NEO1: variants seen among roughly 807,000 people sequenced by gnomAD.
NEO1 encodes the protein neogenin.
NEO1 carries 63 observed loss-of-function variants against 159.7 expected under a neutral mutation model. That is an observed-to-expected ratio of 0.39 (90% CI 0.32 to 0.49). The LOEUF (loss-of-function observed/expected upper bound fraction) is 0.49. NEO1 is among the 20% of genes least tolerant of loss of function. The pLI is 0.85. For synonymous variants in NEO1, 633 were observed against 662.0 expected (o/e 0.96, Z 0.67); for missense variants, 1,615 against 1,831.0 (o/e 0.88, Z 2.15).
chr15:73,182,445 C>G (rs982834105), intron 7 of NEO1, among the ~76,000 whole-genome samples: 7 of 152,152 alleles, frequency 4.6e-5, no homozygotes, highest in Non-Finnish European at 1.0e-4. Flanking sequence ...GTCACAGGTT[C>G]TCTTGAGCCC....
At position 73,244,481 on chromosome 15, in the gene NEO1, T is replaced by C. The variant is rs779852187; in HGVS notation, c.1589T>C (p.Val530Ala). 6 of 1,613,424 alleles carry C rather than the reference T, an allele frequency of 3.7e-6. No individual in the cohort carries two copies. The highest frequency in any genetic ancestry group is 4.5e-5 in the East Asian group (2 of 44,840). ...GGAGAGAGTTCAGCTCCACTGCGAG[T>C]AGAAACACAACCTGAGGGTAAGTCT... is the stretch of plus-strand genomic sequence containing the variant. Reference protein sequence around the residue: ...GSGESSAPLRVETQPEVQLPG... With the variant: ...GSGESSAPLRAETQPEVQLPG... The change falls in exon 9 of 29, where the codon GTA becomes GCA. Residue 530 changes from valine to alanine, a missense_variant. Val to Ala is a moderately conservative substitution (Grantham distance 64). This residue lies in a region of NEO1 where 1,018 missense variants were observed against 1,115.4 expected (regional missense o/e 0.91). Coordinates refer to ENST00000261908, the MANE Select transcript of NEO1 (RefSeq NM_002499.4).
At chr15:73,075,906 C>G (rs1191046431) in intron 1 of NEO1, among the ~76,000 whole-genome samples, 1 of 152,132 alleles carries the variant, frequency 6.6e-6, no homozygotes, top group Non-Finnish European at 1.5e-5. Flanking sequence ...TGAGCTGTGA[C>G]TAGGATTATG....
At chr15:73,072,021 G>GC (rs2068558965) in intron 1 of NEO1, among the ~76,000 whole-genome samples, 1 of 152,074 alleles carries the variant, frequency 6.6e-6, no homozygotes, top group South Asian at 2.1e-4. Flanking sequence ...GCCGATCTTG[G>GC]CCCACTGCAA....
chr15:73,259,152 G>GT, intron 14 of NEO1: 2 of 268,710 alleles, frequency 7.4e-6, no homozygotes, highest in South Asian at 1.4e-4. Context: ...TTAAGTAGAT[G>GT]GATGATCTAA....
chr15:73,115,579 C>T (rs1277244482), intron 1 of NEO1, among the ~76,000 whole-genome samples: 2 of 148,032 alleles, frequency 1.4e-5, no homozygotes, highest in East Asian at 1.9e-4. Flanking sequence ...TAGATATATT[C>T]GAAAAACAGT....
chr15:73,158,467 C>T (rs1040392687), intron 5 of NEO1, among the ~76,000 whole-genome samples: 3 of 152,004 alleles, frequency 2.0e-5, no homozygotes, highest in South Asian at 2.1e-4. Flanking sequence ...GTGTGGTCAT[C>T]GCTCACTGCA....
intron 22 of NEO1, among the ~76,000 whole-genome samples, chr15:73,281,353 C>T (rs1017136636): frequency 1.3e-5 from 2 of 151,650 alleles, no homozygotes; most frequent in Admixed American, 6.6e-5. Flanking sequence ...CTCCCAGGTT[C>T]GCGCCATTCT....
intron 1 of NEO1, among the ~76,000 whole-genome samples, chr15:73,095,319 A>T (rs1199837872): frequency 6.6e-6 from 1 of 152,210 alleles, no homozygotes; most frequent in Non-Finnish European, 1.5e-5. Context: ...TTAAAAAAGA[A>T]TTAAAAAAAT....
intron 7 of NEO1, among the ~76,000 whole-genome samples, chr15:73,215,358 A>G (rs1042399377): frequency 1.3e-5 from 2 of 151,980 alleles, no homozygotes; most frequent in African/African-American, 2.4e-5. Flanking sequence ...TCGTGTTCCT[A>G]TTTTCAGAGG....
chr15:73,271,906 C>CA (rs57979197), intron 18 of NEO1, among the ~76,000 whole-genome samples: 3,233 of 92,438 alleles, frequency 0.035, 79 homozygotes, highest in African/African-American at 0.068. Context: ...GACTCCATCT[C>CA]AAAAAAAAAA....
At chr15:73,241,263 T>A (rs1369416238) in intron 8 of NEO1, among the ~76,000 whole-genome samples, 1 of 152,238 alleles carries the variant, frequency 6.6e-6, no homozygotes, top group Non-Finnish European at 1.5e-5. Context: ...CATAGCACTT[T>A]AAAGTTGGAT....
intron 7 of NEO1, among the ~76,000 whole-genome samples, chr15:73,215,730 G>A (rs1363213173): frequency 2.0e-5 from 3 of 152,066 alleles, no homozygotes; most frequent in Non-Finnish European, 4.4e-5. Flanking sequence ...CAAGGATATT[G>A]GTCTGTAGTT....
chr15:73,112,237 A>T (rs1235915816), intron 1 of NEO1, among the ~76,000 whole-genome samples: 2 of 152,100 alleles, frequency 1.3e-5, no homozygotes, highest in Non-Finnish European at 2.9e-5. Flanking sequence ...TAAGGCAAGG[A>T]TCAGCAAACT....
intron 9 of NEO1, among the ~76,000 whole-genome samples, 161 bp downstream of exon 9, chr15:73,244,659 C>T (rs2039661850): frequency 6.6e-6 from 1 of 152,082 alleles, no homozygotes. Flanking sequence ...CATCAAAAAA[C>T]AGCAAGTAGG....
chr15:73,256,908 G>T (rs923068995), intron 13 of NEO1, among the ~76,000 whole-genome samples: 2 of 151,956 alleles, frequency 1.3e-5, no homozygotes, highest in African/African-American at 4.8e-5. Flanking sequence ...GAGCAACATG[G>T]TCAAACTGTG....
At chr15:73,108,213 C>A (rs1192984815) in intron 1 of NEO1, among the ~76,000 whole-genome samples, 1 of 152,076 alleles carries the variant, frequency 6.6e-6, no homozygotes, top group African/African-American at 2.4e-5. Flanking sequence ...TGGACTTTTC[C>A]TGAGAATTGT....
intron 19 of NEO1, 101 bp downstream of exon 19, chr15:73,272,663 G>C: frequency 1.2e-6 from 1 of 840,582 alleles, no homozygotes; most frequent in Non-Finnish European, 1.9e-6. Flanking sequence ...GAGTCTGAAG[G>C]CTGGCTTGGT....
chr15:73,139,780 C>T (rs2032199244), intron 5 of NEO1, among the ~76,000 whole-genome samples: 2 of 152,242 alleles, frequency 1.3e-5, no homozygotes, highest in Non-Finnish European at 1.5e-5. Context: ...TACTGGCATA[C>T]TGCCACACTC....
chr15:73,226,858 A>G (rs1459290980), intron 7 of NEO1, among the ~76,000 whole-genome samples: 1 of 152,214 alleles, frequency 6.6e-6, no homozygotes, highest in Non-Finnish European at 1.5e-5. Flanking sequence ...AACTATTTTC[A>G]AAGAAAGGTT....
Sources: allele counts gnomAD v4.1 joint callset (sites outside exome capture counted in the v4.1 genomes callset), GRCh38; gene constraint gnomAD v4.1.1; regional missense constraint gnomAD v4.1.1; transcripts MANE v1.5; gene names NCBI Gene and HGNC (gene_info 2026-07-23, HGNC 2026-07-21).